The following ZNF407 variants were observed in gnomAD, a reference collection of about 807,000 sequenced individuals.
ZNF407 encodes the protein zinc finger protein 407.
Under a neutral mutation model 131.2 loss-of-function variants are expected in ZNF407, and 17 were observed. That is an observed-to-expected ratio of 0.13 (90% confidence interval 0.09 to 0.19). The LOEUF is 0.19. ZNF407 is among the 10% of genes least tolerant of loss of function. The pLI is 1.00. For missense variants in ZNF407, 2,681 were observed against 2,830.6 expected (o/e 0.95, Z 1.20); for synonymous variants, 1,156 against 1,062.0 (o/e 1.09, Z -1.72).
chr18:74,685,418 T>A lies in ZNF407; in HGVS notation c.4802+44296T>A, dbSNP rs189131374. 9.8e-5 allele frequency among the ~76,000 whole-genome samples: 15 copies of A among 152,326 alleles called. No individual in the cohort carries two copies. The East Asian group carries it at 2.1e-3, about 22-fold the overall frequency. On this transcript the variant is annotated intron_variant, in intron 3 of 8. Transcript: ENST00000299687. ...TGTCTTCCTTCTCCTATTACTGATA[T>A]AGGTCTCCTGCTCAATGGCTGACCC...
intron 8 of ZNF407, among the ~76,000 whole-genome samples, chr18:74,937,834 T>A (rs1415147261): frequency 6.6e-6 from 1 of 152,238 alleles, no homozygotes; most frequent in African/African-American, 2.4e-5. Context: ...TTAAAAAATT[T>A]AATTATGTAA....
intron 3 of ZNF407, among the ~76,000 whole-genome samples, chr18:74,705,240 GCTT>G (rs1389670176): frequency 6.6e-6 from 1 of 151,650 alleles, no homozygotes; most frequent in Non-Finnish European, 1.5e-5. Context: ...CTTTTTGTCT[GCTT>G]CTACTTGTTG....
At chr18:74,809,775 A>T (rs1970167880) in intron 4 of ZNF407, among the ~76,000 whole-genome samples, 1 of 152,176 alleles carries the variant, frequency 6.6e-6, no homozygotes, top group Non-Finnish European at 1.5e-5. Flanking sequence ...ATTAGAGTGT[A>T]TGGAGGTCTA....
At chr18:74,881,760 T>A (rs1440937054) in intron 6 of ZNF407, among the ~76,000 whole-genome samples, 1 of 152,218 alleles carries the variant, frequency 6.6e-6, no homozygotes, top group South Asian at 2.1e-4. Flanking sequence ...TTCTTGGTGA[T>A]TCATTGAAAT....
intron 4 of ZNF407, among the ~76,000 whole-genome samples, chr18:74,801,214 A>G (rs1335151048): frequency 6.6e-6 from 1 of 152,204 alleles, no homozygotes; most frequent in South Asian, 2.1e-4. Flanking sequence ...GAGTATGATT[A>G]ATGATTGTGT....
chr18:74,669,296 A>T (rs72967651), intron 3 of ZNF407, among the ~76,000 whole-genome samples: 1 of 152,028 alleles, frequency 6.6e-6, no homozygotes, highest in Non-Finnish European at 1.5e-5. Flanking sequence ...GGGCCTTCCC[A>T]TGGGGCCTTC....
At chr18:74,911,767 T>A (rs956697031) in intron 7 of ZNF407, among the ~76,000 whole-genome samples, 3 of 152,144 alleles carry the variant, frequency 2.0e-5, no homozygotes, top group Non-Finnish European at 4.4e-5. Context: ...TCTAAAATAG[T>A]GAGCGATCAC....
intron 7 of ZNF407, among the ~76,000 whole-genome samples, chr18:74,910,073 A>G (rs1033259692): frequency 6.6e-6 from 1 of 152,196 alleles, no homozygotes; most frequent in Non-Finnish European, 1.5e-5. Flanking sequence ...GATTGGGCAC[A>G]TGTAGCTGGA....
intron 7 of ZNF407, among the ~76,000 whole-genome samples, chr18:74,900,943 T>C (rs1971516667): frequency 6.6e-6 from 1 of 152,212 alleles, no homozygotes; most frequent in Non-Finnish European, 1.5e-5. Flanking sequence ...TCTAGAAATA[T>C]GTAATTCTCT....
At chr18:74,881,744 T>TGTGCATTCTTGGTGA (rs1309393799) in intron 6 of ZNF407, among the ~76,000 whole-genome samples, 5 of 152,262 alleles carry the variant, frequency 3.3e-5, no homozygotes, top group African/African-American at 1.2e-4. Flanking sequence ...TTCTCCATGA[T>TGTGCATTCTTGGTGA]GTGCATTCTT....
At chr18:75,004,043 T>C (rs1972878343) in intron 8 of ZNF407, among the ~76,000 whole-genome samples, 1 of 152,188 alleles carries the variant, frequency 6.6e-6, no homozygotes, top group Admixed American at 6.5e-5. Context: ...TGTATTTCTA[T>C]TTGTGTTGAG....
Position 74,647,837 on chromosome 18 carries a change from A to C in ZNF407, c.4802+6715A>C, listed in dbSNP as rs1599039419. The stretch of plus-strand genomic sequence containing the variant: ...AAGGAGCAAGGCTGAGTGAGAACAC[A>C]AGGCTGGGAGGACGAGCTCTGCTGA... On this transcript the variant is annotated intron_variant, in intron 3 of 8. Coordinates refer to ENST00000299687, the MANE Select transcript of ZNF407 (RefSeq NM_017757.3). Among the ~76,000 whole-genome samples the C allele has an allele frequency of 2.0e-5, 3 of 152,282 alleles. No individual in the cohort carries two copies. The South Asian group carries it at 6.2e-4, about 32-fold the overall frequency.
intron 3 of ZNF407, among the ~76,000 whole-genome samples, chr18:74,762,013 G>A (rs1969106809): frequency 6.6e-6 from 1 of 152,038 alleles, no homozygotes. Context: ...GGAAAATCAT[G>A]GAAGTTATTT....
intron 3 of ZNF407, among the ~76,000 whole-genome samples, chr18:74,756,160 G>A (rs977381449): frequency 4.0e-5 from 6 of 151,748 alleles, no homozygotes; most frequent in Non-Finnish European, 7.4e-5. Flanking sequence ...CCAAAGTCCT[G>A]GCATTACAGG....
intron 8 of ZNF407, among the ~76,000 whole-genome samples, chr18:74,958,136 G>A (rs1187816863): frequency 6.6e-6 from 1 of 152,164 alleles, no homozygotes. Flanking sequence ...ACGTCTTTGA[G>A]TATTCATTCC....
chr18:74,992,905 A>G (rs969111612), intron 8 of ZNF407, among the ~76,000 whole-genome samples: 12 of 152,232 alleles, frequency 7.9e-5, no homozygotes, highest in African/African-American at 2.9e-4. Flanking sequence ...TAGGAACGTG[A>G]AAATTAAAAC....
At chr18:74,859,900 G>A (rs1383608537) in intron 4 of ZNF407, among the ~76,000 whole-genome samples, 1 of 152,054 alleles carries the variant, frequency 6.6e-6, no homozygotes, top group Non-Finnish European at 1.5e-5. Flanking sequence ...TTTCCTTCCA[G>A]TAGCTCACAA....
chr18:74,655,097 T>C (rs1467499217), intron 3 of ZNF407, among the ~76,000 whole-genome samples: 2 of 152,030 alleles, frequency 1.3e-5, no homozygotes, highest in African/African-American at 4.8e-5. Context: ...ATTTCTATAT[T>C]ATGTGACAAA....
chr18:74,852,189 ACACACACACGCACG>A (rs1304595964), intron 4 of ZNF407, among the ~76,000 whole-genome samples: 13 of 137,740 alleles, frequency 9.4e-5, no homozygotes, highest in African/African-American at 1.9e-4. Flanking sequence ...ACACACACAC[ACACACACACGCACG>A]CACGCACGCG....
Sources: gnomAD v4.1 joint callset for allele counts (sites outside exome capture counted in the v4.1 genomes callset) on GRCh38, gnomAD v4.1.1 for gene constraint, MANE v1.5 for transcripts, NCBI Gene and HGNC (gene_info 2026-07-23, HGNC 2026-07-21) for gene names.